GEMIN5: variants seen among roughly 807,000 people sequenced by gnomAD.
GEMIN5 encodes gem nuclear organelle associated protein 5.
Under a neutral mutation model 176.9 loss-of-function variants are expected in GEMIN5, and 124 were observed. The ratio of observed to expected loss-of-function variants is 0.70; its 90% CI spans 0.61 to 0.81. GEMIN5 has a LOEUF of 0.81. Ranked by LOEUF, GEMIN5 falls within the 40% of genes least tolerant of loss-of-function variation. The pLI is 0.00. For missense variants in GEMIN5, 1,843 were observed against 1,814.6 expected (o/e 1.02, Z -0.28); for synonymous variants, 673 against 665.2 (o/e 1.01, Z -0.18).
intron 23 of GEMIN5, among the ~76,000 whole-genome samples, chr5:154,897,528 C>T (rs1334568585): frequency 2.0e-5 from 3 of 152,140 alleles, no homozygotes; most frequent in Non-Finnish European, 2.9e-5. Context: ...CACTCTGTCA[C>T]GTAGGCTGCA....
intron 17 of GEMIN5, 94 bp from the exon 18 acceptor site, chr5:154,904,723 C>G: frequency 1.1e-6 from 1 of 881,210 alleles, no homozygotes; most frequent in Admixed American, 2.0e-5. Flanking sequence ...ACTGGCAGGA[C>G]GACACCACAG....
chr5:154,924,161 C>T (rs1399861842), intron 9 of GEMIN5, among the ~76,000 whole-genome samples: 1 of 152,138 alleles, frequency 6.6e-6, no homozygotes, highest in Non-Finnish European at 1.5e-5. Flanking sequence ...CATCTCAGTT[C>T]GGACTTGGCA....
intron 9 of GEMIN5, among the ~76,000 whole-genome samples, chr5:154,923,921 TAAAC>T (rs1210855071): frequency 6.6e-6 from 1 of 152,090 alleles, no homozygotes; most frequent in Admixed American, 6.5e-5. Context: ...TGTACAAAAA[TAAAC>T]AATGTAAGCC....
chr5:154,938,210 G>T lies in GEMIN5; in HGVS notation c.-77C>A. 1 of 1,201,992 alleles carries T rather than the reference G, an allele frequency of 8.3e-7. No homozygotes were observed. The allele number at this position is 1,201,992 out of a possible 1,614,324, so 74.5% of individuals were successfully genotyped here. The stretch of plus-strand genomic sequence containing the variant: ...CCTCACGCCTTAGGTAGGGAGCGGG[G>T]CGGGGTGAACTCCGAGCCCCGCCTT... On this transcript the variant is annotated 5_prime_UTR_variant, in exon 1 of 28. Coordinates refer to ENST00000285873, the MANE Select transcript of GEMIN5 (RefSeq NM_015465.5).
At position 154,911,086 on chromosome 5, in the gene GEMIN5, G is replaced by T. The variant is rs376420872; in HGVS notation, c.2167+641C>A. Among the ~76,000 whole-genome samples, 496 of 152,258 alleles carry T rather than the reference G, an allele frequency of 3.3e-3. 5 individuals carry two copies. Among genetic ancestry groups the T allele is most frequent in the African/African-American group, 0.012 (480 of 41,538 alleles). On this transcript the variant is annotated intron_variant, in intron 15 of 27. Transcript: ENST00000285873. ...CTTTTGTCCTTTTGACATGTCTCCT[G>T]AATTCTTTGAGTACTGCCTTCCTTT... is the stretch of plus-strand genomic sequence containing the variant.
intron 7 of GEMIN5, among the ~76,000 whole-genome samples, chr5:154,926,290 G>A (rs1364323500): frequency 2.0e-5 from 3 of 152,076 alleles, no homozygotes; most frequent in Admixed American, 1.3e-4. Context: ...AAGATGTCAC[G>A]TGAATTCAGG....
Position 154,903,084 on chromosome 5 carries a change from A to G in GEMIN5, c.2724T>C (p.Ile908=), listed in dbSNP as rs1042264539. The part of the protein sequence containing the change: ...DRATLYRMID[I]EGKGHLENGH... ...TGTTGACTGGATTTGTCTCACCTTCAATATCAATCATTCTATACAGGGTAG... is the reference window on the plus strand; with the variant it reads ...TGTTGACTGGATTTGTCTCACCTTCGATATCAATCATTCTATACAGGGTAG... The change falls in exon 19 of 28, where the codon ATT becomes ATC. Residue 908 remains isoleucine, a synonymous_variant. Coordinates refer to ENST00000285873, the MANE Select transcript of GEMIN5 (RefSeq NM_015465.5). 1.9e-6 allele frequency: 3 copies of G among 1,584,406 alleles called. No homozygotes were observed. The highest frequency in any genetic ancestry group is 1.3e-5 in the African/African-American group (1 of 74,340).
intron 3 of GEMIN5, 117 bp downstream of exon 3, chr5:154,935,724 T>C (rs1276732627): frequency 1.5e-6 from 1 of 662,732 alleles, no homozygotes; most frequent in Non-Finnish European, 2.6e-6. Flanking sequence ...TCAGGGGGAG[T>C]GGTTAACATC....
intron 9 of GEMIN5, among the ~76,000 whole-genome samples, chr5:154,923,005 T>A (rs965408401): frequency 1.3e-5 from 2 of 152,108 alleles, no homozygotes; most frequent in Non-Finnish European, 2.9e-5. Flanking sequence ...CTTAAAATAG[T>A]GTTCTTTTTT....
In GEMIN5 at chr5:154,935,998, A is replaced by C; in HGVS notation, c.352T>G (p.Ser118Ala). ...HQHTISTLHW[S>A]PRVKDLIVSG... Reference sequence around the variant, plus strand: ...ACTATTAAGTCCTTTACTCGAGGAGACCAATGTAATGTTGATATCGTATGC... The same window carrying C: ...ACTATTAAGTCCTTTACTCGAGGAGCCCAATGTAATGTTGATATCGTATGC... The change falls in exon 3 of 28, where the codon TCT becomes GCT. Residue 118 changes from serine (S) to alanine (A), a missense_variant. Coordinates refer to ENST00000285873, the MANE Select transcript of GEMIN5 (RefSeq NM_015465.5). 1 of 1,608,650 alleles carries C rather than the reference A, an allele frequency of 6.2e-7. No homozygotes were observed. Among genetic ancestry groups the C allele is most frequent in the Non-Finnish European group, 8.5e-7 (1 of 1,177,374 alleles).
chr5:154,890,467 A>AT (rs748573084), intron 26 of GEMIN5, among the ~76,000 whole-genome samples: 3,020 of 138,146 alleles, frequency 0.022, 40 homozygotes, highest in African/African-American at 0.035. Flanking sequence ...TTAAAATTTA[A>AT]TTTTTTTTTT....
rs372411271 is a variant in GEMIN5 at position 154,911,883 on chromosome 5, G to A, written c.2011C>T (p.Arg671Trp). ...DGTAQVWDAL[R>W]EEPLCNFRGH... is the part of the protein sequence containing the mutation. ...CGGAAATTGCACAGGGGCTCTTCCC[G>A]GAGAGCATCCCACACCTAAACCCAA... The change falls in exon 15 of 28, where the codon CGG (arginine) becomes TGG (tryptophan). Residue 671 changes from arginine (R) to tryptophan (W), a missense_variant. Coordinates refer to ENST00000285873, the MANE Select transcript of GEMIN5 (RefSeq NM_015465.5). The A allele has an allele frequency of 1.1e-5, 17 of 1,613,854 alleles. No individual in the cohort carries two copies. The highest frequency in any genetic ancestry group is 1.6e-4 in the Middle Eastern group (1 of 6,084).
chr5:154,917,694 A>C (rs1283641735), intron 12 of GEMIN5, among the ~76,000 whole-genome samples: 1 of 152,236 alleles, frequency 6.6e-6, no homozygotes, highest in Admixed American at 6.5e-5. Flanking sequence ...TTTGTGAGGG[A>C]CAAGACAGCC....
rs1582674709 is a variant in GEMIN5 at position 154,928,426 on chromosome 5, A to C, written c.914+101T>G. On this transcript the variant is annotated intron_variant, in intron 6 of 27. Coordinates refer to ENST00000285873, the MANE Select transcript of GEMIN5 (RefSeq NM_015465.5). ...ATTTTTCCATTTCAAATGGCCCATC[A>C]TAATACAAGCCTTGGCCATTACTTT... The C allele has an allele frequency of 3.9e-6, 4 of 1,019,844 alleles. No individual in the cohort carries two copies. In the East Asian group the frequency reaches 9.5e-5, roughly 24 times the overall value. The allele number at this position is 1,019,844 out of a possible 1,614,324, so 63.2% of individuals were successfully genotyped here. A position where few individuals can be genotyped will look rare whatever the true frequency, so the allele number is the denominator to read the frequency against.
At chr5:154,937,916 C>G in intron 1 of GEMIN5, 52 bp downstream of exon 1, 1 of 1,465,188 alleles carries the variant, frequency 6.8e-7, no homozygotes, top group Non-Finnish European at 9.0e-7. Context: ...CTCGGCGCCC[C>G]TGGGGAGCGT....
intron 19 of GEMIN5, 135 bp downstream of exon 19, chr5:154,902,945 A>G: frequency 3.0e-6 from 2 of 660,302 alleles, no homozygotes; most frequent in Non-Finnish European, 5.2e-6. Context: ...TAAATCAGGG[A>G]GCTCAAAACC....
In GEMIN5 at chr5:154,925,988, A is replaced by G. The variant is rs1424628160; in HGVS notation, c.1167T>C (p.Ser389=). 6.2e-7 allele frequency: 1 copy of G among 1,613,492 alleles called. No homozygotes were observed. The highest frequency in any genetic ancestry group is 8.5e-7 in the Non-Finnish European group (1 of 1,179,390). The change falls in exon 8 of 28, where the codon TCT becomes TCC. Residue 389 remains serine, a synonymous_variant. Coordinates refer to ENST00000285873, the MANE Select transcript of GEMIN5 (RefSeq NM_015465.5). ...GGFAYSLAFS[S]VDIGSLAIGV... is the part of the protein sequence containing the mutation. ...CTATGGCCAAAGAGCCTATGTCCAC[A>G]GAAGAGAAAGCCAGGCTGTATGCAA...
intron 10 of GEMIN5, 71 bp from the exon 11 acceptor site, chr5:154,920,174 G>GGT: frequency 3.3e-6 from 4 of 1,216,600 alleles, no homozygotes; most frequent in Non-Finnish European, 4.7e-6. Flanking sequence ...GCTATAGTAT[G>GGT]ACCATACCAT....
In GEMIN5 at chr5:154,892,561, A is replaced by G. The variant is rs747990599; in HGVS notation, c.3598-12T>C. On this transcript the variant is annotated splice_polypyrimidine_tract_variant and intron_variant, in intron 24 of 27. Transcript: ENST00000285873. ...ATGTGAAGCAGGAGCTGGAGAGAGA[A>G]GCCAGAGTCTGAGTTAAACATCCTC... 5 of 1,612,280 alleles carry G rather than the reference A, an allele frequency of 3.1e-6. No individual in the cohort carries two copies. Among genetic ancestry groups the G allele is most frequent in the Non-Finnish European group, 3.4e-6 (4 of 1,178,774 alleles).
Sources: allele counts gnomAD v4.1 joint callset (sites outside exome capture counted in the v4.1 genomes callset), GRCh38; gene constraint gnomAD v4.1.1; transcripts MANE v1.5; gene names NCBI Gene and HGNC (gene_info 2026-07-23, HGNC 2026-07-21).